The following USP37 variants were observed in gnomAD, a reference collection of about 807,000 sequenced individuals.
USP37 encodes ubiquitin specific peptidase 37, also known as ubiquitin carboxyl-terminal hydrolase 37.
USP37 carries 27 observed loss-of-function variants against 124.0 expected under a neutral mutation model. That is an observed-to-expected ratio of 0.22 (90% CI 0.16 to 0.30). The LOEUF (loss-of-function observed/expected upper bound fraction) is 0.30, where lower values mean the gene tolerates loss of function less well. USP37 is among the 10% of genes least tolerant of loss of function. The pLI is 1.00. For synonymous variants in USP37, 365 were observed against 388.0 expected, an observed-to-expected ratio of 0.94 and a Z score of 0.70; for missense variants, 889 against 1,140.4, an observed-to-expected ratio of 0.78 and a Z score of 3.17.
intron 14 of USP37, among the ~76,000 whole-genome samples, chr2:218,493,528 T>C (rs931088304): frequency 4.0e-5 from 6 of 151,522 alleles, no homozygotes; most frequent in African/African-American, 9.8e-5. Context: ...TAGAGTGCAA[T>C]GGCATAATCT....
At chr2:218,510,199 C>A in intron 10 of USP37, 59 bp from the exon 11 acceptor site, 1 of 1,541,164 alleles carries the variant, frequency 6.5e-7, no homozygotes, top group Non-Finnish European at 8.8e-7. Flanking sequence ...TACTATTTTC[C>A]TTGAATAGAT....
chr2:218,557,192 C>G (rs182748627), intron 4 of USP37, among the ~76,000 whole-genome samples: 1 of 152,254 alleles, frequency 6.6e-6, no homozygotes, highest in East Asian at 1.9e-4. Context: ...ATATCCATAG[C>G]AGTAACCTGT....
chr2:218,454,838 T>C lies in USP37; in HGVS notation c.*92A>G, dbSNP rs186991645. ...AGCTGTTTGTTGCTCCCGCATCAAGTAGAATTCCAAATTCTCCTTCAGCAG... is the reference window on the plus strand; with the variant it reads ...AGCTGTTTGTTGCTCCCGCATCAAGCAGAATTCCAAATTCTCCTTCAGCAG... On this transcript the variant is annotated 3_prime_UTR_variant, in exon 26 of 26. Coordinates refer to ENST00000258399, the MANE Select transcript of USP37 (RefSeq NM_020935.3). 4.4e-5 allele frequency: 69 copies of C among 1,557,162 alleles called. No homozygotes were observed. In the East Asian group the frequency reaches 1.3e-3, roughly 30 times the overall value.
chr2:218,562,522 T>G (rs748874348), intron 2 of USP37, among the ~76,000 whole-genome samples, 151 bp downstream of exon 2: 12 of 152,210 alleles, frequency 7.9e-5, no homozygotes, highest in Non-Finnish European at 1.3e-4. Flanking sequence ...AGGTACTGCT[T>G]TGAAAACATC....
chr2:218,528,564 GT>G, intron 10 of USP37: 1 of 384,428 alleles, frequency 2.6e-6, no homozygotes. Flanking sequence ...GAGAATGATG[GT>G]TTTCAGCTTC....
chr2:218,465,802 C>T (rs574061370), intron 21 of USP37, among the ~76,000 whole-genome samples: 51 of 152,200 alleles, frequency 3.4e-4, no homozygotes, highest in African/African-American at 1.2e-3. Context: ...GTGATCCGTC[C>T]GCCTCAGCCT....
At chr2:218,526,881 C>T (rs1036269663) in intron 10 of USP37, among the ~76,000 whole-genome samples, 11 of 150,394 alleles carry the variant, frequency 7.3e-5, no homozygotes, top group South Asian at 2.1e-4. Context: ...CTCCGCCTCC[C>T]GGGTTCACGC....
At chr2:218,488,029 A>G (rs1327492076) in intron 15 of USP37, among the ~76,000 whole-genome samples, 2 of 151,774 alleles carry the variant, frequency 1.3e-5, no homozygotes, top group Non-Finnish European at 2.9e-5. Flanking sequence ...ACCAAAAAGT[A>G]CAAAAATTCA....
At chr2:218,520,964 G>C (rs1455455348) in intron 10 of USP37, among the ~76,000 whole-genome samples, 2 of 152,144 alleles carry the variant, frequency 1.3e-5, no homozygotes, top group Non-Finnish European at 2.9e-5. Context: ...GATCCTTCGT[G>C]AACACTTTAG....
chr2:218,496,482 T>A (rs945360119), intron 13 of USP37, among the ~76,000 whole-genome samples: 1 of 152,198 alleles, frequency 6.6e-6, no homozygotes, highest in African/African-American at 2.4e-5. Context: ...GATTATATAT[T>A]CTTAATAATT....
intron 15 of USP37, among the ~76,000 whole-genome samples, chr2:218,487,143 A>G (rs537818101): frequency 2.8e-4 from 42 of 152,312 alleles, no homozygotes; most frequent in Non-Finnish European, 5.1e-4. Flanking sequence ...ACTAGTTTAT[A>G]AGGACTGCTA....
At chr2:218,559,152 T>C (rs1183384914) in intron 3 of USP37, among the ~76,000 whole-genome samples, 1 of 151,606 alleles carries the variant, frequency 6.6e-6, no homozygotes, top group Admixed American at 6.6e-5. Flanking sequence ...ACAAAAAAAC[T>C]GAAAAAACAT....
At chr2:218,542,700 T>A (rs1692056867) in intron 8 of USP37, among the ~76,000 whole-genome samples, 1 of 152,192 alleles carries the variant, frequency 6.6e-6, no homozygotes, top group South Asian at 2.1e-4. Context: ...GCTGGGAGCA[T>A]CTTTGGTGAT....
At chr2:218,467,414 T>C (rs1174975273) in intron 20 of USP37, among the ~76,000 whole-genome samples, 1 of 152,094 alleles carries the variant, frequency 6.6e-6, no homozygotes, top group Non-Finnish European at 1.5e-5. Context: ...AGTGGCGCGA[T>C]CTCGGCTCAC....
chr2:218,465,949 TA>T (rs1690293179), intron 21 of USP37, 60 bp downstream of exon 21: 1 of 1,547,026 alleles, frequency 6.5e-7, no homozygotes, highest in East Asian at 2.3e-5. Context: ...CATTAGTTAT[TA>T]TTATTATATT....
At chr2:218,456,953 G>T in intron 24 of USP37, 139 bp downstream of exon 24, 2 of 820,534 alleles carry the variant, frequency 2.4e-6, no homozygotes, top group Non-Finnish European at 3.7e-6. Flanking sequence ...CTGGGCAACA[G>T]AGTGAGACTG....
At position 218,546,246 on chromosome 2, in the gene USP37, A is replaced by T; in HGVS notation, c.655T>A (p.Tyr219Asn). Residue 219 changes from tyrosine (Y) to asparagine (N), a missense_variant, in exon 8 of 26, where the codon TAC becomes AAC. By Grantham distance (143) the Tyr-to-Asn change is moderately radical. Around this residue, in one of 3 missense-constraint regions of USP37, gnomAD observed 374 missense variants for 386.0 expected, o/e 0.97. Transcript: ENST00000258399. The part of the protein sequence containing the change: ...ISTGSELNED[Y>N]PKENDSSSNN... ...GATGATGAATCATTTTCCTTAGGGTAATCTTCATTCAATTCTGAGCCAGTT... is the reference window on the plus strand; with the variant it reads ...GATGATGAATCATTTTCCTTAGGGTTATCTTCATTCAATTCTGAGCCAGTT... The T allele has an allele frequency of 6.2e-7, 1 of 1,613,192 alleles. No individual in the cohort carries two copies. The highest frequency in any genetic ancestry group is 8.5e-7 in the Non-Finnish European group (1 of 1,179,672).
chr2:218,499,076 C>T lies in USP37; in HGVS notation c.1026-919G>A, dbSNP rs568115653. ...GATCACAAGGTCAGGAGGTGGAAAC[C>T]ATCCTGGCTAACACGGTGAAACCCT... On this transcript the variant is annotated intron_variant, in intron 11 of 25. Coordinates refer to ENST00000258399, the MANE Select transcript of USP37 (RefSeq NM_020935.3). Among the ~76,000 whole-genome samples the T allele has an allele frequency of 7.2e-5, 11 of 152,228 alleles. No homozygotes were observed. In the South Asian group the frequency reaches 2.3e-3, roughly 32 times the overall value.
At chr2:218,560,420 T>C (rs1348070126) in intron 3 of USP37, among the ~76,000 whole-genome samples, 1 of 152,220 alleles carries the variant, frequency 6.6e-6, no homozygotes, top group Non-Finnish European at 1.5e-5. Context: ...GAATAGCAAA[T>C]GTTTTAGTGT....
Sources: gnomAD v4.1 joint callset for allele counts (sites outside exome capture counted in the v4.1 genomes callset) on GRCh38, gnomAD v4.1.1 for gene constraint, gnomAD v4.1.1 regional missense constraint, MANE v1.5 for transcripts, NCBI Gene and HGNC (gene_info 2026-07-23, HGNC 2026-07-21) for gene names.